Variants in CDK18 observed in about 807,000 individuals in gnomAD.
CDK18 encodes the protein cyclin-dependent kinase 18.
CDK18 carries 52 observed loss-of-function variants against 62.0 expected under a neutral mutation model. The observed-to-expected ratio is 0.84, with a 90% confidence interval of 0.67 to 1.06. The LOEUF (loss-of-function observed/expected upper bound fraction) is 1.06, where lower values mean the gene tolerates loss of function less well. CDK18 is among the 50% of genes least tolerant of loss of function. The probability of loss-of-function intolerance (pLI) is 0.00; values close to 1 mark genes in which losing one functional copy is unlikely to be tolerated. For missense variants in CDK18, 604 were observed against 619.9 expected, an observed-to-expected ratio of 0.97 and a Z score of 0.27; for synonymous variants, 237 against 247.0, an observed-to-expected ratio of 0.96 and a Z score of 0.38.
chr1:205,529,095 C>A lies in CDK18; in HGVS notation c.1071C>A (p.Leu357=). Reference sequence around the variant, plus strand: ...AGCTGCACCTCATCTTTCGCCTCCTCGGTCAGTCTCCCGCTGCTCCGTCCC... The same window carrying A: ...AGCTGCACCTCATCTTTCGCCTCCTAGGTCAGTCTCCCGCTGCTCCGTCCC... ...KEELHLIFRL[L]GTPTEETWPG... Residue 357 remains leucine, a splice_region_variant and synonymous_variant, in exon 11 of 16, where the codon CTC becomes CTA. Coordinates refer to ENST00000429964, the MANE Select transcript of CDK18 (RefSeq NM_212502.3). The A allele has an allele frequency of 6.4e-7, 1 of 1,573,434 alleles. No individual in the cohort carries two copies. Among genetic ancestry groups the A allele is most frequent in the South Asian group, 1.2e-5 (1 of 85,954 alleles).
chr1:205,525,722 G>T (rs1668388856), intron 5 of CDK18, among the ~76,000 whole-genome samples: 2 of 152,176 alleles, frequency 1.3e-5, no homozygotes, highest in Admixed American at 1.3e-4. Flanking sequence ...GGTGGGTGAA[G>T]GTTTATAGAG....
At chr1:205,530,180 A>G in intron 13 of CDK18, 79 bp from the exon 14 acceptor site, 1 of 1,592,700 alleles carries the variant, frequency 6.3e-7, no homozygotes, top group Non-Finnish European at 8.5e-7. Context: ...TTGGTGCTCT[A>G]ACCAGCACTG....
intron 4 of CDK18, among the ~76,000 whole-genome samples, chr1:205,524,855 C>T (rs1668341769): frequency 6.6e-6 from 1 of 152,210 alleles, no homozygotes; most frequent in African/African-American, 2.4e-5. Context: ...AGGCAGCACT[C>T]ACTCTGGAGG....
Position 205,529,550 on chromosome 1 carries a change from G to A in CDK18, c.1208G>A (p.Ser403Asn). 6.2e-7 allele frequency: 1 copy of A among 1,613,256 alleles called. No homozygotes were observed. ...GATACGGATGGCATCCACCTCCTGA[G>A]CAGCCTGCTCCTGGTGAGTGTCCTC... ...RLDTDGIHLL[S>N]SLLLYESKSR... Residue 403 changes from serine (S) to asparagine (N), a missense_variant, in exon 13 of 16, where the codon AGC becomes AAC. By Grantham distance (46) the Ser-to-Asn change is conservative. Transcript: ENST00000429964.
chr1:205,526,226 GGGGTTCACCA>G, intron 6 of CDK18, 47 bp downstream of exon 6: 3 of 1,557,040 alleles, frequency 1.9e-6, no homozygotes, highest in Non-Finnish European at 2.7e-6. Context: ...TTCAGGAGGA[GGGGTTCACCA>G]GCCTGCACCC....
chr1:205,507,397 C>T (rs12126148), intron 1 of CDK18, among the ~76,000 whole-genome samples: 9,424 of 151,220 alleles, frequency 0.062, 402 homozygotes, highest in Non-Finnish European at 0.09. Flanking sequence ...TTTGGGAGGC[C>T]GAGGTGGACG....
intron 13 of CDK18, 47 bp downstream of exon 13, chr1:205,529,610 A>C (rs917537030): frequency 6.2e-7 from 1 of 1,613,132 alleles, no homozygotes; most frequent in East Asian, 2.2e-5. Flanking sequence ...CCAAAGAGCC[A>C]GGTCCCTGTG....
intron 1 of CDK18, among the ~76,000 whole-genome samples, chr1:205,514,689 C>G (rs1335215795): frequency 6.6e-6 from 1 of 152,094 alleles, no homozygotes; most frequent in Admixed American, 6.5e-5. Flanking sequence ...AGCAGTGGCT[C>G]GATGGCCTCA....
chr1:205,523,477 T>A lies in CDK18; in HGVS notation c.131-6T>A. 1 of 1,600,292 alleles carries A rather than the reference T, an allele frequency of 6.2e-7. No individual in the cohort carries two copies. Among genetic ancestry groups the A allele is most frequent in the South Asian group, 1.1e-5 (1 of 89,076 alleles). On this transcript the variant is annotated splice_region_variant and splice_polypyrimidine_tract_variant and intron_variant, in intron 2 of 15. Coordinates refer to ENST00000429964, the MANE Select transcript of CDK18 (RefSeq NM_212502.3). ...AGGGAGGGGAGCTGACGCCTGTCCC[T>A]CTTAGACTTGCAGCTCGGTCCTCTT... is the stretch of plus-strand genomic sequence containing the variant.
Position 205,522,264 on chromosome 1 carries a change from G to T in CDK18, c.-21-883G>T, listed in dbSNP as rs184631187. On this transcript the variant is annotated intron_variant, in intron 1 of 15. Transcript: ENST00000429964. ...AGCTTTCATGGTTGGGGACAGGACCGTGGGGGTGGGCAGAGCAGCTTACCC... is the reference window on the plus strand; with the variant it reads ...AGCTTTCATGGTTGGGGACAGGACCTTGGGGGTGGGCAGAGCAGCTTACCC... 1.8e-3 allele frequency among the ~76,000 whole-genome samples: 267 copies of T among 152,190 alleles called. 1 individual carries two copies. Among genetic ancestry groups the T allele is most frequent in the East Asian group, 0.011 (59 of 5,184 alleles).
intron 1 of CDK18, among the ~76,000 whole-genome samples, chr1:205,520,555 C>T (rs1167537848): frequency 1.3e-5 from 2 of 151,948 alleles, no homozygotes. Context: ...CAAAAATTAG[C>T]CGGGTGTGGT....
At chr1:205,507,106 G>A (rs1265622827) in intron 1 of CDK18, among the ~76,000 whole-genome samples, 1 of 152,184 alleles carries the variant, frequency 6.6e-6, no homozygotes, top group Admixed American at 6.5e-5. Context: ...TCTACTTTCT[G>A]GGATCACCCT....
intron 1 of CDK18, among the ~76,000 whole-genome samples, chr1:205,521,074 G>A (rs1668097781): frequency 6.6e-6 from 1 of 152,190 alleles, no homozygotes; most frequent in African/African-American, 2.4e-5. Flanking sequence ...GGAAGCCAGA[G>A]GAAGCGCTTT....
chr1:205,520,708 A>G (rs1668078279), intron 1 of CDK18, among the ~76,000 whole-genome samples: 2 of 151,882 alleles, frequency 1.3e-5, no homozygotes, highest in African/African-American at 2.4e-5. Context: ...TCAAAAAAAA[A>G]AAAAAGAAAA....
rs1668558964 is a variant in CDK18, at chr1:205,528,532, C to CATA, written c.974+365_974+366insTAA. On this transcript the variant is annotated intron_variant, in intron 10 of 15. Coordinates refer to ENST00000429964, the MANE Select transcript of CDK18 (RefSeq NM_212502.3). This position sits in a 1 kb window ranked among gnomAD's most constrained non-coding sequence, Gnocchi z 4.2. ...AGTACTATTTTTATGTTAAAATGAA[C>CATA]AAGTGTATGATTTGGTGTAAAATGA... 1 of 249,870 alleles carries CATA rather than the reference C, an allele frequency of 4.0e-6. No homozygotes were observed. 15.5% of individuals were successfully genotyped at this position (249,870 alleles called of 1,614,324 possible).
chr1:205,512,689 T>C (rs1003253606), intron 1 of CDK18, among the ~76,000 whole-genome samples: 3 of 152,120 alleles, frequency 2.0e-5, no homozygotes, highest in East Asian at 1.9e-4. Flanking sequence ...ATGAAGCTGC[T>C]TTTTTTAAGC....
chr1:205,527,546 C>A lies in CDK18; in HGVS notation c.730-248C>A. On this transcript the variant is annotated intron_variant, in intron 8 of 15. Coordinates refer to ENST00000429964, the MANE Select transcript of CDK18 (RefSeq NM_212502.3). This position sits in a 1 kb window ranked among gnomAD's most constrained non-coding sequence, Gnocchi z 4.1. Reference sequence around the variant, plus strand: ...CCACATAGGCGGGCATCCTGACCCCCGTGCTCCTGACTGAGACTTCGCTGG... The same window carrying A: ...CCACATAGGCGGGCATCCTGACCCCAGTGCTCCTGACTGAGACTTCGCTGG... 2.0e-6 allele frequency: 1 copy of A among 496,434 alleles called. No individual in the cohort carries two copies. The highest frequency in any genetic ancestry group is 3.6e-6 in the Non-Finnish European group (1 of 276,384). The allele number at this position is 496,434 out of a possible 1,614,324, so 30.8% of individuals were successfully genotyped here.
At chr1:205,518,391 G>A (rs80212006) in intron 1 of CDK18, among the ~76,000 whole-genome samples, 6,138 of 152,278 alleles carry the variant, frequency 0.04, 238 homozygotes, top group Middle Eastern at 0.11. Flanking sequence ...ATGAATGAAT[G>A]GAGCCAGGGG....
chr1:205,510,737 C>T (rs892290925), intron 1 of CDK18, among the ~76,000 whole-genome samples: 1 of 152,250 alleles, frequency 6.6e-6, no homozygotes, highest in Non-Finnish European at 1.5e-5. Flanking sequence ...TCGGGCAGAT[C>T]GCTCACCTTT....
Sources: gnomAD v4.1 joint callset for allele counts (sites outside exome capture counted in the v4.1 genomes callset) on GRCh38, gnomAD v4.1.1 for gene constraint, Gnocchi (gnomAD v3.1) non-coding constraint, MANE v1.5 for transcripts, NCBI Gene and HGNC (gene_info 2026-07-23, HGNC 2026-07-21) for gene names.